Variants in PKN2 observed in about 807,000 individuals in gnomAD.
PKN2 encodes the protein serine/threonine-protein kinase N2.
In PKN2, 38 loss-of-function variants were observed where a neutral mutation model predicts 119.1. The ratio of observed to expected loss-of-function variants is 0.32; its 90% CI spans 0.25 to 0.42. The LOEUF (loss-of-function observed/expected upper bound fraction) is 0.42. Among genes scored for constraint, PKN2 ranks in the 10% least tolerant of loss-of-function variants. PKN2 has a pLI of 1.00. For missense variants in PKN2, 850 were observed against 1,165.1 expected (o/e 0.73, Z 3.94); for synonymous variants, 390 against 384.9 (o/e 1.01, Z -0.15).
intron 18 of PKN2, among the ~76,000 whole-genome samples, chr1:88,826,390 A>C (rs1412968055): frequency 6.6e-6 from 1 of 152,102 alleles, no homozygotes; most frequent in Non-Finnish European, 1.5e-5. Context: ...CAATCGTATG[A>C]AGGTAGATAG....
At chr1:88,804,562 A>G in intron 9 of PKN2, 28 bp downstream of exon 9, 5 of 1,587,492 alleles carry the variant, frequency 3.1e-6, no homozygotes, top group East Asian at 4.5e-5. Context: ...TTAAATGTGC[A>G]TAACTACAAT....
At chr1:88,790,920 T>C in intron 8 of PKN2, among the ~76,000 whole-genome samples, 1 of 152,174 alleles carries the variant, frequency 6.6e-6, no homozygotes, top group East Asian at 1.9e-4. Flanking sequence ...TTTTAGAAGT[T>C]CATTTTTGTT....
chr1:88,782,978 T>C (rs1557608144), intron 6 of PKN2, among the ~76,000 whole-genome samples: 1 of 152,244 alleles, frequency 6.6e-6, no homozygotes, highest in Non-Finnish European at 1.5e-5. Flanking sequence ...AGATTTGTTA[T>C]GTGAAACAAG....
chr1:88,792,457 T>C (rs1214056498), intron 8 of PKN2, among the ~76,000 whole-genome samples: 3 of 152,122 alleles, frequency 2.0e-5, no homozygotes, highest in Non-Finnish European at 2.9e-5. Flanking sequence ...TCTGGGGCTA[T>C]ATGACTTCTT....
At chr1:88,703,826 A>G (rs1437344387) in intron 1 of PKN2, among the ~76,000 whole-genome samples, 3 of 152,186 alleles carry the variant, frequency 2.0e-5, no homozygotes, top group South Asian at 2.1e-4. Flanking sequence ...GTGATTTACT[A>G]TCATTAAGTA....
At chr1:88,778,606 T>A (rs1269754785) in intron 6 of PKN2, among the ~76,000 whole-genome samples, 1 of 152,222 alleles carries the variant, frequency 6.6e-6, no homozygotes. Context: ...TTTTCTATTG[T>A]TTACCCCAAC....
rs770148032 is a variant in PKN2 at position 88,753,733 on chromosome 1, G to A, written c.350-6489G>A. Among the ~76,000 whole-genome samples, 30 of 145,496 alleles carry A rather than the reference G, an allele frequency of 2.1e-4. 1 individual carries two copies. The highest frequency in any genetic ancestry group is 5.3e-4 in the Admixed American group (8 of 15,014). ...TTAAACAACCAGATCTCACTATTGTGAGAACAGCACCAAGGGGATGGTACT... is the reference window on the plus strand; with the variant it reads ...TTAAACAACCAGATCTCACTATTGTAAGAACAGCACCAAGGGGATGGTACT... On this transcript the variant is annotated intron_variant, in intron 2 of 21. Transcript: ENST00000370521.
At chr1:88,705,120 TTTC>T (rs768034217) in intron 1 of PKN2, among the ~76,000 whole-genome samples, 36 of 151,148 alleles carry the variant, frequency 2.4e-4, no homozygotes, top group Middle Eastern at 6.8e-3. Context: ...TAGCTTATCT[TTTC>T]TTTTCTTTTC....
At chr1:88,685,713 G>GA (rs562224843) in intron 1 of PKN2, among the ~76,000 whole-genome samples, 105 of 151,988 alleles carry the variant, frequency 6.9e-4, no homozygotes, top group African/African-American at 2.3e-3. Flanking sequence ...GGAATTAGGA[G>GA]AAAAAAATAG....
chr1:88,809,977 A>G (rs902142975), intron 15 of PKN2, among the ~76,000 whole-genome samples: 5 of 152,198 alleles, frequency 3.3e-5, no homozygotes, highest in African/African-American at 1.2e-4. Context: ...TGGTATAAAA[A>G]GAGAGAAAAG....
chr1:88,760,987 C>T (rs2100782080), intron 3 of PKN2, among the ~76,000 whole-genome samples: 1 of 152,096 alleles, frequency 6.6e-6, no homozygotes, highest in Non-Finnish European at 1.5e-5. Flanking sequence ...ACCACTCTCC[C>T]AAGTGTTTGG....
At chr1:88,784,879 G>T in intron 7 of PKN2, 55 bp downstream of exon 7, 1 of 1,066,776 alleles carries the variant, frequency 9.4e-7, no homozygotes. Flanking sequence ...CTTATACAAG[G>T]GATTTATGAA....
At chr1:88,803,045 C>A (rs1044954375) in intron 8 of PKN2, among the ~76,000 whole-genome samples, 6 of 152,100 alleles carry the variant, frequency 3.9e-5, no homozygotes, top group African/African-American at 1.4e-4. Context: ...AGCCTTAGTA[C>A]CCCATCCCTT....
In PKN2 at chr1:88,824,401, T is replaced by C. The variant is rs1376504959; in HGVS notation, c.2419+15T>C. 6.9e-7 allele frequency: 1 copy of C among 1,452,128 alleles called. No homozygotes were observed. Among genetic ancestry groups the C allele is most frequent in the East Asian group, 2.3e-5 (1 of 43,918 alleles). 90.0% of individuals were successfully genotyped at this position (1,452,128 alleles called of 1,614,324 possible). ...TTGCAAAGAAGGTAATCGAATGTTT[T>C]TAAGTTTCTTTTCTGATTCAGAATT... On this transcript the variant is annotated intron_variant, in intron 18 of 21. Transcript: ENST00000370521.
At position 88,797,117 on chromosome 1, in the gene PKN2, T is replaced by C. The variant is rs539538052; in HGVS notation, c.1282-7274T>C. 8.6e-5 allele frequency among the ~76,000 whole-genome samples: 13 copies of C among 150,552 alleles called. No individual in the cohort carries two copies. In the East Asian group the frequency reaches 2.4e-3, roughly 28 times the overall value. On this transcript the variant is annotated intron_variant, in intron 8 of 21. Transcript: ENST00000370521. Reference sequence around the variant, plus strand: ...GAGAGGCTGAGGCGGGCGGATCACCTGAGGTCAGGAGTTCAAGACCAGCCT... The same window carrying C: ...GAGAGGCTGAGGCGGGCGGATCACCCGAGGTCAGGAGTTCAAGACCAGCCT...
intron 19 of PKN2, among the ~76,000 whole-genome samples, chr1:88,831,148 G>A (rs943762164): frequency 1.3e-5 from 2 of 151,926 alleles, no homozygotes; most frequent in Non-Finnish European, 2.9e-5. Flanking sequence ...GATACTGTCA[G>A]TGTTGACATC....
intron 1 of PKN2, among the ~76,000 whole-genome samples, chr1:88,714,422 C>T (rs948739045): frequency 2.6e-5 from 4 of 152,166 alleles, no homozygotes; most frequent in Non-Finnish European, 5.9e-5. Context: ...GAGCATGGAA[C>T]GTTCTTCCAT....
intron 6 of PKN2, among the ~76,000 whole-genome samples, chr1:88,783,609 A>T (rs1365902642): frequency 6.6e-6 from 1 of 152,210 alleles, no homozygotes; most frequent in African/African-American, 2.4e-5. Context: ...TTAATGGGAC[A>T]ACTTTTACCA....
chr1:88,793,106 G>A (rs1411601857), intron 8 of PKN2, among the ~76,000 whole-genome samples: 1 of 152,144 alleles, frequency 6.6e-6, no homozygotes, highest in Non-Finnish European at 1.5e-5. Context: ...TAGTAGTACA[G>A]TACTACAGTT....
Sources: gnomAD v4.1 joint callset for allele counts (sites outside exome capture counted in the v4.1 genomes callset) on GRCh38, gnomAD v4.1.1 for gene constraint, MANE v1.5 for transcripts, NCBI Gene and HGNC (gene_info 2026-07-23, HGNC 2026-07-21) for gene names.